Variants in NF1 observed in about 807,000 individuals in gnomAD.
NF1 encodes neurofibromin.
Under a neutral mutation model 325.7 loss-of-function variants are expected in NF1, and 122 were observed. That is an observed-to-expected ratio of 0.37 (90% CI 0.32 to 0.44). The LOEUF (loss-of-function observed/expected upper bound fraction) is 0.44, where lower values mean the gene tolerates loss of function less well. Ranked by LOEUF, NF1 falls within the 20% of genes least tolerant of loss-of-function variation. The pLI is 1.00. For missense variants in NF1, 2,140 were observed against 3,415.4 expected, an observed-to-expected ratio of 0.63 and a Z score of 9.31; for synonymous variants, 1,091 against 1,186.0, an observed-to-expected ratio of 0.92 and a Z score of 1.65.
At chr17:31,244,861 G>A (rs2067364416) in intron 29 of NF1, among the ~76,000 whole-genome samples, 1 of 152,152 alleles carries the variant, frequency 6.6e-6, no homozygotes, top group Non-Finnish European at 1.5e-5. Context: ...TAAGGGGGAC[G>A]ATCCCTGGAG....
At chr17:31,226,342 C>A (rs1023202696) in intron 17 of NF1, 93 bp from the exon 18 acceptor site, 73 of 1,457,540 alleles carry the variant, frequency 5.0e-5, no homozygotes, top group Non-Finnish European at 6.7e-5. Flanking sequence ...CACACACACA[C>A]ACACACACAC....
intron 36 of NF1, chr17:31,294,975 G>T (rs1382329978): frequency 6.2e-7 from 1 of 1,613,620 alleles, no homozygotes; most frequent in Non-Finnish European, 8.5e-7. Flanking sequence ...CATCAGGGAG[G>T]AGTGCTTTCA....
chr17:31,236,162 T>TA, intron 29 of NF1, 141 bp downstream of exon 29: 1 of 647,676 alleles, frequency 1.5e-6, no homozygotes, highest in Non-Finnish European at 2.7e-6. Context: ...TATATACAAA[T>TA]ACACGTTTCT....
chr17:31,357,494 A>C, intron 54 of NF1, 125 bp downstream of exon 54: 1 of 776,956 alleles, frequency 1.3e-6, no homozygotes, highest in Non-Finnish European at 2.3e-6. Flanking sequence ...TTTAGCTTTG[A>C]GACAGTAGGT....
chr17:31,249,987 G>GGCTTCAGTT, intron 30 of NF1: 1 of 493,482 alleles, frequency 2.0e-6, no homozygotes, highest in South Asian at 1.5e-5. Context: ...TTTAGCACAC[G>GGCTTCAGTT]GCTTCAGTTG....
chr17:31,133,447 G>C (rs1292204305), intron 1 of NF1: 3 of 152,330 alleles, frequency 2.0e-5, no homozygotes, highest in Non-Finnish European at 4.4e-5. Context: ...GAACATGGGT[G>C]TGCAGATACC....
intron 1 of NF1, among the ~76,000 whole-genome samples, chr17:31,126,130 G>A (rs1597590064): frequency 6.6e-6 from 1 of 152,206 alleles, no homozygotes; most frequent in African/African-American, 2.4e-5. Context: ...GGAGGTTGCA[G>A]TGAGCTGACA....
At chr17:31,330,569 A>G (rs2069457202) in intron 39 of NF1, 71 bp downstream of exon 39, 4 of 1,172,772 alleles carry the variant, frequency 3.4e-6, no homozygotes, top group Non-Finnish European at 4.9e-6. Flanking sequence ...CTTTCATTTC[A>G]GAATTTTCCA....
chr17:31,350,404 A>G lies in NF1; in HGVS notation c.7457+86A>G. The G allele has an allele frequency of 9.4e-6, 11 of 1,170,328 alleles. 1 individual carries two copies. In the South Asian group the frequency reaches 1.3e-4, roughly 13 times the overall value. 72.5% of individuals were successfully genotyped at this position (1,170,328 alleles called of 1,614,324 possible). A position where few individuals can be genotyped will look rare whatever the true frequency, so the allele number is the denominator to read the frequency against. The stretch of plus-strand genomic sequence containing the variant: ...ATGGAGGCAAGCAGCAGAGTAATCT[A>G]GAAGGTAACATGGGAGAAATCTAGA... On this transcript the variant is annotated intron_variant, in intron 50 of 57. Transcript: ENST00000358273.
chr17:31,302,706 G>A (rs1242985216), intron 36 of NF1, among the ~76,000 whole-genome samples: 3 of 152,018 alleles, frequency 2.0e-5, no homozygotes, highest in Admixed American at 6.6e-5. Flanking sequence ...TTAGCCAGGC[G>A]TGGTGGTGCA....
intron 6 of NF1, 45 bp downstream of exon 6, chr17:31,181,534 A>G (rs770953542): frequency 6.3e-7 from 1 of 1,582,944 alleles, no homozygotes; most frequent in South Asian, 1.1e-5. Flanking sequence ...TTTTGATGTA[A>G]AATTTGCTGT....
chr17:31,194,240 G>C (rs965358367), intron 8 of NF1, among the ~76,000 whole-genome samples: 1 of 152,104 alleles, frequency 6.6e-6, no homozygotes, highest in Non-Finnish European at 1.5e-5. Context: ...TTTGAGGCAC[G>C]TGGATTGAAT....
chr17:31,098,199 A>G (rs2143180029), intron 1 of NF1, among the ~76,000 whole-genome samples: 1 of 151,296 alleles, frequency 6.6e-6, no homozygotes, highest in Middle Eastern at 3.5e-3. Flanking sequence ...TACGGTTGAA[A>G]ATGTCTTTTA....
intron 36 of NF1, among the ~76,000 whole-genome samples, chr17:31,315,238 AACTAAAGTTAACTTGTT>A (rs2068990722): frequency 6.6e-6 from 1 of 152,206 alleles, no homozygotes; most frequent in South Asian, 2.1e-4. Context: ...ATAAGAAGTT[AACTAAAGTTAACTTGTT>A]ACTAAAGGGT....
intron 6 of NF1, 109 bp from the exon 7 acceptor site, chr17:31,181,601 C>A: frequency 1.5e-6 from 2 of 1,290,596 alleles, no homozygotes; most frequent in South Asian, 1.2e-5. Flanking sequence ...CATTCATTTT[C>A]AGGAAGAATA....
At chr17:31,146,226 A>C (rs1916573739) in intron 1 of NF1, among the ~76,000 whole-genome samples, 1 of 152,172 alleles carries the variant, frequency 6.6e-6, no homozygotes, top group South Asian at 2.1e-4. Context: ...GGTTGTTGGC[A>C]GACGGTTCAG....
chr17:31,132,467 G>T (rs1286853617), intron 1 of NF1, among the ~76,000 whole-genome samples: 1 of 152,106 alleles, frequency 6.6e-6, no homozygotes, highest in Non-Finnish European at 1.5e-5. Context: ...TTGAACCCAG[G>T]AGGAGGAGGT....
At chr17:31,360,751 C>A in intron 57 of NF1, 48 bp downstream of exon 57, 2 of 1,488,214 alleles carry the variant, frequency 1.3e-6, no homozygotes, top group Non-Finnish European at 9.4e-7. Flanking sequence ...ATATAAGACA[C>A]CAACATTAGG....
rs147025349 is a variant in NF1 at position 31,205,214 on chromosome 17, C to T, written c.1261-1026C>T. ...ATTCCAAGTGAAGAAATTAAAATGT[C>T]GAGACTTCAATTAGCTTAGTTTTGA... On this transcript the variant is annotated intron_variant, in intron 11 of 57. Transcript: ENST00000358273. 6.8e-3 allele frequency among the ~76,000 whole-genome samples: 1,030 copies of T among 152,096 alleles called. 14 individuals carry two copies. The highest frequency in any genetic ancestry group is 0.024 in the African/African-American group (988 of 41,516).
Sources: allele counts gnomAD v4.1 joint callset (sites outside exome capture counted in the v4.1 genomes callset), GRCh38; gene constraint gnomAD v4.1.1; transcripts MANE v1.5; gene names NCBI Gene and HGNC (gene_info 2026-07-23, HGNC 2026-07-21).